The following RIC8B variants were observed in gnomAD, a reference collection of about 807,000 sequenced individuals.
RIC8B encodes the protein chaperone Ric-8B.
In RIC8B, 16 loss-of-function variants were observed where a neutral mutation model predicts 57.5. That is an observed-to-expected ratio of 0.28 (90% CI 0.19 to 0.42). The LOEUF is 0.42. Among genes scored for constraint, RIC8B ranks in the 10% least tolerant of loss-of-function variants. The probability of loss-of-function intolerance (pLI) is 1.00; values close to 1 mark genes in which losing one functional copy is unlikely to be tolerated. For synonymous variants in RIC8B, 216 were observed against 250.8 expected, an observed-to-expected ratio of 0.86 and a Z score of 1.31; for missense variants, 481 against 677.0, an observed-to-expected ratio of 0.71 and a Z score of 3.21.
chr12:106,789,302 A>G (rs1275624406), intron 2 of RIC8B, among the ~76,000 whole-genome samples: 1 of 152,132 alleles, frequency 6.6e-6, no homozygotes, highest in African/African-American at 2.4e-5. Context: ...AAACTTTCCC[A>G]CATTGTCCTG....
intron 8 of RIC8B, among the ~76,000 whole-genome samples, chr12:106,869,703 C>G (rs1026308578): frequency 6.6e-6 from 1 of 152,168 alleles, no homozygotes; most frequent in African/African-American, 2.4e-5. Flanking sequence ...ACTTCAGGAG[C>G]TGAGGCAGGA....
intron 2 of RIC8B, among the ~76,000 whole-genome samples, chr12:106,801,094 G>A (rs1370449900): frequency 6.6e-6 from 1 of 152,178 alleles, no homozygotes; most frequent in African/African-American, 2.4e-5. Context: ...CATTTCACAT[G>A]GGCAGTGGAG....
intron 1 of RIC8B, among the ~76,000 whole-genome samples, chr12:106,781,205 C>T (rs552844677): frequency 6.6e-6 from 1 of 152,078 alleles, no homozygotes; most frequent in Non-Finnish European, 1.5e-5. Context: ...CCACCTCAGC[C>T]CCCCAAAGTG....
At chr12:106,784,161 C>CA in intron 2 of RIC8B, 117 bp downstream of exon 2, 1 of 1,024,672 alleles carries the variant, frequency 9.8e-7, no homozygotes, top group Non-Finnish European at 1.5e-6. Context: ...TGTTTCCCTT[C>CA]ATTTTGTTTT....
chr12:106,776,484 A>G (rs2043492509), intron 1 of RIC8B, among the ~76,000 whole-genome samples: 1 of 152,218 alleles, frequency 6.6e-6, no homozygotes, highest in Admixed American at 6.5e-5. Flanking sequence ...ACCCAGCAAT[A>G]AATAGGAATT....
At chr12:106,809,205 C>CA (rs2045208735) in intron 2 of RIC8B, among the ~76,000 whole-genome samples, 1 of 152,094 alleles carries the variant, frequency 6.6e-6, no homozygotes. Flanking sequence ...CAAGTGGCTC[C>CA]AGGCAATCAT....
intron 2 of RIC8B, among the ~76,000 whole-genome samples, chr12:106,807,812 A>G (rs191864821): frequency 9.8e-5 from 15 of 152,312 alleles, no homozygotes; most frequent in Admixed American, 9.1e-4. Flanking sequence ...GAGGCTGGGC[A>G]CTGTAGCTCA....
intron 9 of RIC8B, among the ~76,000 whole-genome samples, chr12:106,882,583 G>A (rs1489919547): frequency 6.6e-6 from 1 of 152,152 alleles, no homozygotes. Context: ...CTGAGACTCG[G>A]AAGCTTGCCC....
chr12:106,839,672 T>C (rs2046778814), intron 4 of RIC8B, among the ~76,000 whole-genome samples: 1 of 152,230 alleles, frequency 6.6e-6, no homozygotes, highest in Non-Finnish European at 1.5e-5. Context: ...GCTAAGGGAA[T>C]AGGTCTTACG....
intron 6 of RIC8B, among the ~76,000 whole-genome samples, chr12:106,850,278 G>A (rs11615009): frequency 0.061 from 9,222 of 152,268 alleles, 390 homozygotes; most frequent in South Asian, 0.12. Context: ...GCTGATTTAG[G>A]GAGTCATCAG....
Position 106,879,899 on chromosome 12 carries a change from A to T in RIC8B, c.1572-6005A>T. 1 of 985,384 alleles carries T rather than the reference A, an allele frequency of 1.0e-6. No individual in the cohort carries two copies. Among genetic ancestry groups the T allele is most frequent in the Non-Finnish European group, 1.2e-6 (1 of 829,916 alleles). The allele number at this position is 985,384 out of a possible 1,614,324, so 61.0% of individuals were successfully genotyped here. ...CCAGTAGACACCACTGTACTTTTTG[A>T]TACGAGGGCAGTCTTAACTTGTGTT... is the stretch of plus-strand genomic sequence containing the variant. On this transcript the variant is annotated intron_variant, in intron 9 of 9. Transcript: ENST00000392837. This position sits in a 1 kb window ranked among gnomAD's most constrained non-coding sequence, Gnocchi z 4.9.
intron 2 of RIC8B, among the ~76,000 whole-genome samples, chr12:106,813,064 C>CATT (rs1482582822): frequency 3.3e-5 from 5 of 151,512 alleles, no homozygotes; most frequent in African/African-American, 1.2e-4. Flanking sequence ...ACTTTTCTGT[C>CATT]ATTATTCCTT....
chr12:106,869,541 T>G (rs986832769), intron 8 of RIC8B, among the ~76,000 whole-genome samples: 1 of 152,186 alleles, frequency 6.6e-6, no homozygotes, highest in African/African-American at 2.4e-5. Context: ...CTCACTCACT[T>G]GCTTATCTTA....
intron 9 of RIC8B, chr12:106,873,126 A>T (rs1247696400): frequency 1.0e-6 from 1 of 985,308 alleles, no homozygotes; most frequent in Non-Finnish European, 1.2e-6. Context: ...CTATGCCTCA[A>T]AGAAGATGCC....
intron 4 of RIC8B, among the ~76,000 whole-genome samples, chr12:106,839,236 G>C (rs770256922): frequency 6.6e-6 from 1 of 152,154 alleles, no homozygotes; most frequent in African/African-American, 2.4e-5. Flanking sequence ...GGTCCTTACA[G>C]CACTGTTCAC....
intron 8 of RIC8B, among the ~76,000 whole-genome samples, chr12:106,863,278 G>A (rs370008338): frequency 2.6e-5 from 4 of 152,172 alleles, no homozygotes; most frequent in Middle Eastern, 3.4e-3. Context: ...ATGGTCAAAA[G>A]TGAGCAGAAC....
chr12:106,816,242 G>A (rs1286761538), intron 3 of RIC8B, among the ~76,000 whole-genome samples: 3 of 152,162 alleles, frequency 2.0e-5, no homozygotes, highest in Non-Finnish European at 1.5e-5. Flanking sequence ...GCTAACATTT[G>A]AAACACTTCT....
At chr12:106,849,950 G>A (rs934544664) in intron 6 of RIC8B, among the ~76,000 whole-genome samples, 1 of 152,204 alleles carries the variant, frequency 6.6e-6, no homozygotes, top group Non-Finnish European at 1.5e-5. Context: ...TTTAGGGCAG[G>A]GGTCCCCAAC....
At chr12:106,837,639 G>GTTTTTTTTTTT (rs375634080) in intron 4 of RIC8B, among the ~76,000 whole-genome samples, 15 of 115,306 alleles carry the variant, frequency 1.3e-4, no homozygotes, top group East Asian at 2.5e-4. Flanking sequence ...AAAATCTTTT[G>GTTTTTTTTTTT]TTTTTTTTTT....
Sources: gnomAD v4.1 joint callset for allele counts (sites outside exome capture counted in the v4.1 genomes callset) on GRCh38, gnomAD v4.1.1 for gene constraint, Gnocchi (gnomAD v3.1) non-coding constraint, MANE v1.5 for transcripts, NCBI Gene and HGNC (gene_info 2026-07-23, HGNC 2026-07-21) for gene names.